The following TTN variants were observed in gnomAD, a reference collection of about 807,000 sequenced individuals.
TTN encodes the protein connectin.
TTN carries 1,525 observed loss-of-function variants against 3,223.0 expected under a neutral mutation model. That is an observed-to-expected ratio of 0.47 (90% CI 0.45 to 0.49). The LOEUF (loss-of-function observed/expected upper bound fraction) is 0.49, where lower values mean the gene tolerates loss of function less well. Ranked by LOEUF, TTN falls within the 20% of genes least tolerant of loss-of-function variation. TTN has a pLI of 0.00. For missense variants in TTN, 40,786 were observed against 43,424.0 expected (o/e 0.94, Z 5.40); for synonymous variants, 14,094 against 15,161.0 (o/e 0.93, Z 5.17).
chr2:178,527,341 A>T, intron 362 of TTN, 34 bp from the exon 363 acceptor site: 1 of 1,566,864 alleles, frequency 6.4e-7, no homozygotes, highest in African/African-American at 1.4e-5. Context: ...AAGGTCTTAG[A>T]ATCACTGAAA....
chr2:178,611,705 C>T lies in TTN; in HGVS notation c.50552-28G>A, dbSNP rs755307643. 5 of 1,612,158 alleles carry T rather than the reference C, an allele frequency of 3.1e-6. No homozygotes were observed. In the Admixed American group the frequency reaches 8.4e-5, roughly 27 times the overall value. On this transcript the variant is annotated intron_variant, in intron 268 of 362. Coordinates refer to ENST00000589042, the MANE Select transcript of TTN (RefSeq NM_001267550.2). ...GAGAAAAGAGTGAAATATTCATATC[C>T]ACAGTCTCATCAAGTTCTAGACAAT...
intron 33 of TTN, 139 bp downstream of exon 33, chr2:178,772,970 C>A: frequency 9.4e-7 from 1 of 1,063,234 alleles, no homozygotes; most frequent in Non-Finnish European, 1.4e-6. Flanking sequence ...AATGGTGTTG[C>A]AAGTACTATT....
In TTN at chr2:178,579,690, A is replaced by G; in HGVS notation, c.67507T>C (p.Ser22503Pro). 6.2e-7 allele frequency: 1 copy of G among 1,613,158 alleles called. No homozygotes were observed. The highest frequency in any genetic ancestry group is 8.5e-7 in the Non-Finnish European group (1 of 1,179,492). Residue 22503 changes from serine (S) to proline (P), a missense_variant, in exon 319 of 363, where the codon TCC becomes CCC. Physicochemically the swap from Ser to Pro is moderately conservative, Grantham distance 74. Transcript: ENST00000589042. Reference sequence around the variant, plus strand: ...TTTGCAGAGTACTGTAGGCTTAAGGATTTCATAACTCGTTGCCACTTATTT... The same window carrying G: ...TTTGCAGAGTACTGTAGGCTTAAGGGTTTCATAACTCGTTGCCACTTATTT... ...EENKWQRVMK[S>P]LSLQYSAKDL...
Position 178,562,594 on chromosome 2 carries a change from A to G in TTN, c.83538T>C (p.Tyr27846=), listed in dbSNP as rs980773060. ...YYFRVLASNE[Y]GIGLPAETTE... is the part of the protein sequence containing the mutation. ...TTGTTTCAGCTGGCAAACCAATCCC[A>G]TATTCATTGGAAGCCAAGACTCGGA... The change falls in exon 326 of 363, where the codon TAT becomes TAC. Residue 27846 remains tyrosine (Y), a synonymous_variant. Transcript: ENST00000589042. The G allele has an allele frequency of 1.9e-6, 3 of 1,610,810 alleles. No homozygotes were observed. The highest frequency in any genetic ancestry group is 1.7e-5 in the Admixed American group (1 of 59,510).
intron 158 of TTN, 54 bp downstream of exon 158, chr2:178,669,538 C>G: frequency 6.2e-7 from 1 of 1,605,164 alleles, no homozygotes; most frequent in Non-Finnish European, 8.5e-7. Context: ...CACTTTAAAC[C>G]ATGAAAAACT....
rs778337707 is a variant in TTN at position 178,612,281 on chromosome 2, G to A, written c.50244C>T (p.Thr16748=). 4.6e-5 allele frequency: 74 copies of A among 1,611,932 alleles called. No individual in the cohort carries two copies. The highest frequency in any genetic ancestry group is 6.3e-5 in the Non-Finnish European group (74 of 1,179,022). Residue 16748 remains threonine (T), a synonymous_variant, in exon 266 of 363, where the codon ACC becomes ACT. Coordinates refer to ENST00000589042, the MANE Select transcript of TTN (RefSeq NM_001267550.2). The stretch of plus-strand genomic sequence containing the variant: ...AGATTAAGTGCAAGAGCATACTAAA[G>A]GTGTCTTTGGCCAGCACAGAGTCCT... ...EIEDSVLAKD[T]FTTPGPPYAL... is the part of the protein sequence containing the mutation.
chr2:178,749,387 T>C lies in TTN; in HGVS notation c.11311+3737A>G, dbSNP rs140583865. The stretch of plus-strand genomic sequence containing the variant: ...GATTTTTATGGTTCTTGAAGCACCA[T>C]GCACAAATCTGGGAATTTTTTCTCT... On this transcript the variant is annotated intron_variant, in intron 47 of 362. Transcript: ENST00000589042. 9 of 1,613,066 alleles carry C rather than the reference T, an allele frequency of 5.6e-6. No individual in the cohort carries two copies. The highest frequency in any genetic ancestry group is 7.6e-6 in the Non-Finnish European group (9 of 1,179,470).
At chr2:178,625,067 G>A (rs2058825948) in intron 241 of TTN, among the ~76,000 whole-genome samples, 1 of 151,862 alleles carries the variant, frequency 6.6e-6, no homozygotes, top group African/African-American at 2.4e-5. Flanking sequence ...GATGGAAGGA[G>A]GAAGTAAAAC....
At position 178,727,615 on chromosome 2, in the gene TTN, C is replaced by T. The variant is rs397517493; in HGVS notation, c.19963G>A (p.Asp6655Asn). ...ACAAGCAACATCGTAGTACAAGAGT[C>T]GCTACCAACATCATTGGTAACATGG... ...TCHVTNDVGSDSCTTMLLVTE... is the reference protein window; with the variant it reads ...TCHVTNDVGSNSCTTMLLVTE... Residue 6655 changes from aspartate to asparagine, a missense_variant, in exon 68 of 363, where the codon GAC (aspartate) becomes AAC (asparagine). By Grantham distance (23) the Asp-to-Asn change is conservative. Transcript: ENST00000589042. 96 of 1,591,890 alleles carry T rather than the reference C, an allele frequency of 6.0e-5. No individual in the cohort carries two copies. The highest frequency in any genetic ancestry group is 1.3e-4 in the East Asian group (6 of 44,662).
chr2:178,710,120 C>T (rs1382098588), intron 98 of TTN, among the ~76,000 whole-genome samples: 1 of 152,136 alleles, frequency 6.6e-6, no homozygotes, highest in East Asian at 1.9e-4. Flanking sequence ...GGGGTAGTCT[C>T]AGTATCATAG....
In TTN at chr2:178,546,982, C is replaced by A. The variant is rs112435019; in HGVS notation, c.94522+21G>T. 2.5e-6 allele frequency: 4 copies of A among 1,596,336 alleles called. No individual in the cohort carries two copies. The African/African-American group carries it at 4.0e-5, about 16-fold the overall frequency. ...GAATCAGTAATAATAAACAAATATG[C>A]CCTTAAATTGTGATACATACCAACT... On this transcript the variant is annotated intron_variant, in intron 340 of 362. Transcript: ENST00000589042.
In TTN at chr2:178,621,195, C is replaced by T. The variant is rs1331081266; in HGVS notation, c.45523G>A (p.Val15175Ile). Reference sequence around the variant, plus strand: ...AATGTGGCATCTTTCACAACTAGGACCCTCTTTTTACCATCAGCAATAACG... The same window carrying T: ...AATGTGGCATCTTTCACAACTAGGATCCTCTTTTTACCATCAGCAATAACG... Reference protein sequence around the residue: ...YDVIADGKKRVLVVKDATLQD... With the variant: ...YDVIADGKKRILVVKDATLQD... Residue 15175 changes from valine to isoleucine, a missense_variant, in exon 246 of 363, where the codon GTC becomes ATC. Coordinates refer to ENST00000589042, the MANE Select transcript of TTN (RefSeq NM_001267550.2). 1 of 1,612,420 alleles carries T rather than the reference C, an allele frequency of 6.2e-7. No homozygotes were observed. The highest frequency in any genetic ancestry group is 2.2e-5 in the East Asian group (1 of 44,602).
chr2:178,622,527 T>C lies in TTN; in HGVS notation c.44913+143A>G, dbSNP rs916528154. 2.4e-5 allele frequency: 15 copies of C among 631,844 alleles called. No individual in the cohort carries two copies. The South Asian group carries it at 3.0e-4, about 13-fold the overall frequency. 39.1% of individuals were successfully genotyped at this position (631,844 alleles called of 1,614,324 possible). ...AAAAGAGAGCAATTAAAGTCAAGAATACATTTTATACTACAATTATCTTTA... is the reference window on the plus strand; with the variant it reads ...AAAAGAGAGCAATTAAAGTCAAGAACACATTTTATACTACAATTATCTTTA... On this transcript the variant is annotated intron_variant, in intron 243 of 362. Transcript: ENST00000589042.
At chr2:178,771,616 A>G (rs2091499379) in intron 33 of TTN, 145 bp from the exon 34 acceptor site, 2 of 1,201,240 alleles carry the variant, frequency 1.7e-6, no homozygotes, top group Non-Finnish European at 2.4e-6. Context: ...ACCCATATTG[A>G]GAAGGTACCA....
In TTN at chr2:178,556,841, T is replaced by C; in HGVS notation, c.88306+7A>G. The C allele has an allele frequency of 6.2e-7, 1 of 1,612,978 alleles. No individual in the cohort carries two copies. Among genetic ancestry groups the C allele is most frequent in the South Asian group, 1.1e-5 (1 of 91,058 alleles). On this transcript the variant is annotated splice_region_variant and intron_variant, in intron 330 of 362. Coordinates refer to ENST00000589042, the MANE Select transcript of TTN (RefSeq NM_001267550.2). ...CAATTTTGATTCAAAGTGCTAAGCA[T>C]GCTTACCATAAGAATCGATGCAAGT...
At chr2:178,613,119 A>G in intron 264 of TTN, 42 bp downstream of exon 264, 7 of 1,609,846 alleles carry the variant, frequency 4.3e-6, no homozygotes, top group Non-Finnish European at 5.9e-6. Context: ...AAAGGAGTTC[A>G]TATGAACTTC....
rs2058203439 is a variant in TTN, at chr2:178,621,097, C to T, written c.45616+5G>A. The T allele has an allele frequency of 6.2e-7, 1 of 1,611,044 alleles. No individual in the cohort carries two copies. Among genetic ancestry groups the T allele is most frequent in the East Asian group, 2.2e-5 (1 of 44,576 alleles). On this transcript the variant is annotated splice_donor_5th_base_variant and intron_variant, in intron 246 of 362. Coordinates refer to ENST00000589042, the MANE Select transcript of TTN (RefSeq NM_001267550.2). ...AAAAAACCCTAAAAGCAAGAACAAA[C>T]TTACCAATGACTGTCAAGTGAGCTG...
chr2:178,574,488 G>A lies in TTN; in HGVS notation c.71644C>T (p.Pro23882Ser). The change falls in exon 326 of 363, where the codon CCA becomes TCA. Residue 23882 changes from proline (P) to serine (S), a missense_variant. Transcript: ENST00000589042. The part of the protein sequence containing the change: ...LWQTVSKALV[P>S]GNIFKSSGLT... The stretch of plus-strand genomic sequence containing the variant: ...CCACTTGATTTGAAAATGTTGCCTG[G>A]TACTAAAGCTTTGCTCACAGTCTGC... The A allele has an allele frequency of 1.9e-6, 3 of 1,613,578 alleles. No homozygotes were observed. Among genetic ancestry groups the A allele is most frequent in the Non-Finnish European group, 2.5e-6 (3 of 1,179,630 alleles).
intron 119 of TTN, 92 bp from the exon 120 acceptor site, chr2:178,692,672 T>C: frequency 1.1e-6 from 1 of 940,666 alleles, no homozygotes; most frequent in Non-Finnish European, 1.5e-6. Flanking sequence ...ATTCCCTTTT[T>C]ATACCAACTG....
Sources: gnomAD v4.1 joint callset for allele counts (sites outside exome capture counted in the v4.1 genomes callset) on GRCh38, gnomAD v4.1.1 for gene constraint, MANE v1.5 for transcripts, NCBI Gene and HGNC (gene_info 2026-07-23, HGNC 2026-07-21) for gene names.